Variants in MGAM2 observed in about 807,000 individuals in gnomAD.
MGAM2 encodes probable maltase-glucoamylase 2.
MGAM2 carries 98 observed loss-of-function variants against 96.1 expected under a neutral mutation model. The ratio of observed to expected loss-of-function variants is 1.02; its 90% CI spans 0.87 to 1.21. The LOEUF (loss-of-function observed/expected upper bound fraction) is 1.21. Ranked by LOEUF, MGAM2 falls within the 50% of genes most tolerant of loss-of-function variation. The probability of loss-of-function intolerance (pLI) is 0.00; values close to 1 mark genes in which losing one functional copy is unlikely to be tolerated. For missense variants in MGAM2, 2,055 were observed against 1,182.4 expected (o/e 1.74, Z -10.82); for synonymous variants, 749 against 414.8 (o/e 1.81, Z -9.79).
intron 23 of MGAM2, among the ~76,000 whole-genome samples, chr7:142,164,399 T>C (rs1049066705): frequency 6.6e-6 from 1 of 152,214 alleles, no homozygotes; most frequent in African/African-American, 2.4e-5. Flanking sequence ...TGTCAAATGC[T>C]TAGCACAGTG....
intron 12 of MGAM2, among the ~76,000 whole-genome samples, chr7:142,141,567 T>G (rs868704352): frequency 6.6e-6 from 1 of 152,310 alleles, no homozygotes; most frequent in Middle Eastern, 3.4e-3. Flanking sequence ...TGGCATGATC[T>G]TGACTCACTG....
At chr7:142,190,884 C>T (rs1045681653) in intron 37 of MGAM2, among the ~76,000 whole-genome samples, 5 of 151,956 alleles carry the variant, frequency 3.3e-5, no homozygotes, top group Admixed American at 6.6e-5. Context: ...CCTGTAATCT[C>T]AGTACTTTGG....
At position 142,167,132 on chromosome 7, in the gene MGAM2, T is replaced by A. The variant is rs1224709601; in HGVS notation, c.2809-136T>A. 3 of 571,918 alleles carry A rather than the reference T, an allele frequency of 5.2e-6. No individual in the cohort carries two copies. The African/African-American group carries it at 5.6e-5, about 11-fold the overall frequency. The allele number at this position is 571,918 out of a possible 1,614,324, so 35.4% of individuals were successfully genotyped here. ...GTATCAGGGGTTAGGACTTAACATCTTTTTTAGGGGACACAATTCAACCCA... is the reference window on the plus strand; with the variant it reads ...GTATCAGGGGTTAGGACTTAACATCATTTTTAGGGGACACAATTCAACCCA... On this transcript the variant is annotated intron_variant, in intron 25 of 47. Coordinates refer to ENST00000477922, the MANE Select transcript of MGAM2 (RefSeq NM_001293626.2).
At chr7:142,130,732 T>C (rs149216896) in intron 3 of MGAM2, among the ~76,000 whole-genome samples, 1 of 152,372 alleles carries the variant, frequency 6.6e-6, no homozygotes, top group African/African-American at 2.4e-5. Flanking sequence ...AGCTATGTCT[T>C]ATTTATCTGT....
chr7:142,124,384 G>A (rs924745436), intron 3 of MGAM2, among the ~76,000 whole-genome samples: 5 of 152,030 alleles, frequency 3.3e-5, no homozygotes, highest in Non-Finnish European at 2.9e-5. Flanking sequence ...TGTCTTTATA[G>A]GTATGGATCT....
intron 44 of MGAM2, 140 bp downstream of exon 44, chr7:142,198,879 G>T: frequency 1.7e-6 from 1 of 571,662 alleles, no homozygotes. Flanking sequence ...GATCCTGTGA[G>T]TGCTTTCTGA....
chr7:142,131,842 G>T, intron 5 of MGAM2, 89 bp from the exon 6 acceptor site: 1 of 625,964 alleles, frequency 1.6e-6, no homozygotes, highest in Non-Finnish European at 2.9e-6. Flanking sequence ...TTCTCATGGG[G>T]TGTCATTTGA....
chr7:142,135,182 T>C (rs919001672), intron 7 of MGAM2, among the ~76,000 whole-genome samples: 1 of 152,178 alleles, frequency 6.6e-6, no homozygotes, highest in Non-Finnish European at 1.5e-5. Flanking sequence ...ACAAAGCAAG[T>C]AGCACATTAA....
intron 3 of MGAM2, among the ~76,000 whole-genome samples, chr7:142,125,381 T>C (rs1031518040): frequency 5.9e-5 from 9 of 152,206 alleles, no homozygotes; most frequent in Non-Finnish European, 8.8e-5. Context: ...GACCACTTAC[T>C]TAAATGTTTA....
At chr7:142,208,889 C>T (rs1585220441) in intron 46 of MGAM2, among the ~76,000 whole-genome samples, 1 of 152,038 alleles carries the variant, frequency 6.6e-6, no homozygotes, top group African/African-American at 2.4e-5. Context: ...AACATGTTTT[C>T]CAAAGATGAG....
chr7:142,180,203 T>A (rs918817001), intron 32 of MGAM2, among the ~76,000 whole-genome samples: 1 of 152,194 alleles, frequency 6.6e-6, no homozygotes, highest in African/African-American at 2.4e-5. Flanking sequence ...GGGTGTAATG[T>A]CATCTTTGTC....
At chr7:142,116,758 C>A in intron 1 of MGAM2, 116 bp from the exon 2 acceptor site, 3 of 659,050 alleles carry the variant, frequency 4.6e-6, no homozygotes, top group Non-Finnish European at 5.5e-6. Flanking sequence ...AAAGAGGATG[C>A]TGATAATCAA....
chr7:142,129,460 C>T (rs1794820780), intron 3 of MGAM2, among the ~76,000 whole-genome samples: 1 of 152,128 alleles, frequency 6.6e-6, no homozygotes, highest in East Asian at 1.9e-4. Flanking sequence ...CATGGTTTGA[C>T]TCTGTGTCCC....
intron 1 of MGAM2, among the ~76,000 whole-genome samples, chr7:142,113,454 A>G (rs920121236): frequency 3.3e-5 from 5 of 152,176 alleles, no homozygotes; most frequent in African/African-American, 1.2e-4. Context: ...GATACCGGGA[A>G]AGTAGTCTGA....
chr7:142,173,480 T>A (rs1796266815), intron 31 of MGAM2, 126 bp downstream of exon 31: 1 of 590,110 alleles, frequency 1.7e-6, no homozygotes, highest in East Asian at 2.8e-5. Context: ...TTTTTTTTCT[T>A]TGTATATACT....
In MGAM2 at chr7:142,136,635, C is replaced by A; in HGVS notation, c.842C>A (p.Ala281Asp). Reference sequence around the variant, plus strand: ...GGAGTATTTCTGATGAACAGTAATGCCATGGGTAGGAAGCATCTTTTTATC... The same window carrying A: ...GGAGTATTTCTGATGAACAGTAATGACATGGGTAGGAAGCATCTTTTTATC... ...SFGVFLMNSN[A>D]MEVTLQPAPA... The change falls in exon 8 of 48, where the codon GCC becomes GAC. Residue 281 changes from alanine to aspartate, a missense_variant. Coordinates refer to ENST00000477922, the MANE Select transcript of MGAM2 (RefSeq NM_001293626.2). The A allele has an allele frequency of 1.4e-6, 1 of 695,974 alleles. No individual in the cohort carries two copies. Among genetic ancestry groups the A allele is most frequent in the African/African-American group, 1.8e-5 (1 of 56,834 alleles). The allele number at this position is 695,974 out of a possible 1,614,324, so 43.1% of individuals were successfully genotyped here.
rs76383126 is a variant in MGAM2 at position 142,190,835 on chromosome 7, T to A, written c.4346+1330T>A. ...TCATTTTTGATAGAATCATTTTTTT[T>A]AATTATTATTGAGTTGTGGCCAGGC... On this transcript the variant is annotated intron_variant, in intron 37 of 47. Transcript: ENST00000477922. Among the ~76,000 whole-genome samples the A allele has an allele frequency of 4.0e-3, 614 of 152,262 alleles. 10 individuals are homozygous for A. Among genetic ancestry groups the A allele is most frequent in the African/African-American group, 0.013 (550 of 41,556 alleles).
intron 10 of MGAM2, among the ~76,000 whole-genome samples, chr7:142,140,378 T>C (rs1273557317): frequency 6.6e-6 from 1 of 152,198 alleles, no homozygotes; most frequent in Admixed American, 6.5e-5. Context: ...AGCACTTTCG[T>C]AGGGCAAAAG....
rs967052407 is a variant in MGAM2, at chr7:142,135,188, A to G, written c.747+1036A>G. Among the ~76,000 whole-genome samples, 3 of 152,356 alleles carry G rather than the reference A, an allele frequency of 2.0e-5. No homozygotes were observed. The East Asian group carries it at 5.8e-4, about 29-fold the overall frequency. On this transcript the variant is annotated intron_variant, in intron 7 of 47. Coordinates refer to ENST00000477922, the MANE Select transcript of MGAM2 (RefSeq NM_001293626.2). ...AGGAGATGAACAAAGCAAGTAGCAC[A>G]TTAACCTGTAGCCCAGCTACCAGCA... is the stretch of plus-strand genomic sequence containing the variant.
Sources: allele counts gnomAD v4.1 joint callset (sites outside exome capture counted in the v4.1 genomes callset), GRCh38; gene constraint gnomAD v4.1.1; transcripts MANE v1.5; gene names NCBI Gene and HGNC (gene_info 2026-07-23, HGNC 2026-07-21).